SPOCK1: variants seen among roughly 807,000 people sequenced by gnomAD.
The protein encoded by SPOCK1 is SPARC (osteonectin), cwcv and kazal like domains proteoglycan 1.
Under a neutral mutation model 55.3 loss-of-function variants are expected in SPOCK1, and 23 were observed. That is an observed-to-expected ratio of 0.42 (90% CI 0.30 to 0.59). The LOEUF (loss-of-function observed/expected upper bound fraction) is 0.59. Ranked by LOEUF, SPOCK1 falls within the 20% of genes least tolerant of loss-of-function variation. The probability of loss-of-function intolerance (pLI) is 0.22; values close to 1 mark genes in which losing one functional copy is unlikely to be tolerated. For missense variants in SPOCK1, 499 were observed against 552.5 expected, an observed-to-expected ratio of 0.90 and a Z score of 0.97; for synonymous variants, 226 against 221.0, an observed-to-expected ratio of 1.02 and a Z score of -0.20.
intron 2 of SPOCK1, among the ~76,000 whole-genome samples, chr5:137,275,068 T>G (rs1285107635): frequency 6.6e-6 from 1 of 152,246 alleles, no homozygotes; most frequent in East Asian, 1.9e-4. Flanking sequence ...AAAATTTCTG[T>G]GTAATCATTA....
chr5:137,449,642 A>T (rs1440029721), intron 2 of SPOCK1, among the ~76,000 whole-genome samples: 1 of 152,190 alleles, frequency 6.6e-6, no homozygotes, highest in Non-Finnish European at 1.5e-5. Context: ...TAATCCCTGT[A>T]CTTACGGAGG....
At chr5:137,225,688 A>T (rs577220363) in intron 3 of SPOCK1, among the ~76,000 whole-genome samples, 4 of 152,306 alleles carry the variant, frequency 2.6e-5, no homozygotes. Context: ...GCTTGGGAAA[A>T]CACAGGTTTC....
intron 2 of SPOCK1, among the ~76,000 whole-genome samples, chr5:137,419,029 T>C (rs1752420936): frequency 6.6e-6 from 1 of 152,208 alleles, no homozygotes; most frequent in Non-Finnish European, 1.5e-5. Flanking sequence ...GGCTAGCCAG[T>C]TTTCCCAGCA....
At position 137,329,756 on chromosome 5, in the gene SPOCK1, C is replaced by T. The variant is rs373022810; in HGVS notation, c.187-62701G>A. On this transcript the variant is annotated intron_variant, in intron 2 of 10. Coordinates refer to ENST00000394945, the MANE Select transcript of SPOCK1 (RefSeq NM_004598.4). The stretch of plus-strand genomic sequence containing the variant: ...TGCACCACATCCCTTTGCGCACACA[C>T]GCTATCCCACAGTGCAAGCTCGAGA... Among the ~76,000 whole-genome samples, 15 of 152,292 alleles carry T rather than the reference C, an allele frequency of 9.8e-5. No homozygotes were observed. The East Asian group carries it at 1.7e-3, about 18-fold the overall frequency.
intron 3 of SPOCK1, among the ~76,000 whole-genome samples, chr5:137,214,384 A>C (rs1399213533): frequency 6.6e-6 from 1 of 152,330 alleles, no homozygotes; most frequent in East Asian, 1.9e-4. Flanking sequence ...AATAAAAAAC[A>C]TCCAGACACC....
intron 3 of SPOCK1, among the ~76,000 whole-genome samples, chr5:137,171,590 A>T (rs533678540): frequency 5.4e-4 from 82 of 152,266 alleles, no homozygotes; most frequent in African/African-American, 1.9e-3. Flanking sequence ...TTATATGTAG[A>T]TATCTTCAAT....
chr5:137,425,376 T>C (rs1561532640), intron 2 of SPOCK1, among the ~76,000 whole-genome samples: 1 of 152,180 alleles, frequency 6.6e-6, no homozygotes, highest in Non-Finnish European at 1.5e-5. Context: ...TGTGTGGCTT[T>C]TCATCTGTGT....
chr5:137,285,002 C>T (rs929394808), intron 2 of SPOCK1, among the ~76,000 whole-genome samples: 1 of 152,338 alleles, frequency 6.6e-6, no homozygotes, highest in East Asian at 1.9e-4. Context: ...AGGGCCAGTT[C>T]TCAATGTATG....
intron 3 of SPOCK1, among the ~76,000 whole-genome samples, chr5:137,188,714 C>T (rs1404866245): frequency 6.6e-6 from 1 of 152,168 alleles, no homozygotes; most frequent in Admixed American, 6.5e-5. Flanking sequence ...AAGGAAAAGT[C>T]CAACATCTCT....
intron 2 of SPOCK1, among the ~76,000 whole-genome samples, chr5:137,486,550 G>A (rs1403335836): frequency 6.6e-6 from 1 of 152,190 alleles, no homozygotes; most frequent in Non-Finnish European, 1.5e-5. Context: ...ACGGTGCCTG[G>A]TACATGGTAG....
At chr5:137,449,886 CAAAAAAAAAAAA>C (rs562723108) in intron 2 of SPOCK1, among the ~76,000 whole-genome samples, 22 of 52,912 alleles carry the variant, frequency 4.2e-4, no homozygotes, top group South Asian at 1.2e-3. Context: ...GATGCTGTCT[CAAAAAAAAAAAA>C]AAAAAAAAAA....
intron 2 of SPOCK1, among the ~76,000 whole-genome samples, chr5:137,353,162 T>C (rs555286042): frequency 9.9e-5 from 15 of 152,220 alleles, no homozygotes; most frequent in African/African-American, 3.6e-4. Context: ...GGCGGATCGA[T>C]AGAGCCCAAA....
chr5:137,364,150 T>G (rs1356096726), intron 2 of SPOCK1, among the ~76,000 whole-genome samples: 1 of 152,214 alleles, frequency 6.6e-6, no homozygotes, highest in Non-Finnish European at 1.5e-5. Flanking sequence ...ATACCCAGCC[T>G]GCCCCTTCAC....
intron 3 of SPOCK1, among the ~76,000 whole-genome samples, chr5:137,156,238 T>C (rs1223021463): frequency 6.6e-6 from 1 of 152,026 alleles, no homozygotes; most frequent in African/African-American, 2.4e-5. Context: ...AAAAATGAGG[T>C]GACATGTGAA....
intron 5 of SPOCK1, among the ~76,000 whole-genome samples, chr5:137,110,758 G>T (rs918073199): frequency 2.6e-5 from 4 of 152,150 alleles, no homozygotes; most frequent in Admixed American, 2.6e-4. Flanking sequence ...TGGCCATGAA[G>T]AAGAGCCAAC....
intron 6 of SPOCK1, among the ~76,000 whole-genome samples, chr5:137,051,114 C>A (rs775186521): frequency 2.0e-5 from 3 of 152,150 alleles, no homozygotes; most frequent in Non-Finnish European, 2.9e-5. Flanking sequence ...AAGCGGATAA[C>A]TTGTTAGGTG....
intron 4 of SPOCK1, among the ~76,000 whole-genome samples, chr5:137,114,733 G>A (rs935957688): frequency 6.6e-6 from 1 of 152,228 alleles, no homozygotes; most frequent in Non-Finnish European, 1.5e-5. Context: ...TTACACAGCA[G>A]ATTGTCTGAC....
At chr5:137,364,714 C>T (rs1751020877) in intron 2 of SPOCK1, among the ~76,000 whole-genome samples, 1 of 152,196 alleles carries the variant, frequency 6.6e-6, no homozygotes, top group Non-Finnish European at 1.5e-5. Context: ...GCCCAATACT[C>T]ACTGCTTACA....
At chr5:137,444,955 C>T (rs1753091871) in intron 2 of SPOCK1, among the ~76,000 whole-genome samples, 1 of 152,210 alleles carries the variant, frequency 6.6e-6, no homozygotes, top group Non-Finnish European at 1.5e-5. Flanking sequence ...AGGAAAGAGG[C>T]TCTGATCTTG....
Sources: gnomAD v4.1 joint callset for allele counts (sites outside exome capture counted in the v4.1 genomes callset) on GRCh38, gnomAD v4.1.1 for gene constraint, MANE v1.5 for transcripts, NCBI Gene and HGNC (gene_info 2026-07-23, HGNC 2026-07-21) for gene names.